Variants in EBF4 observed in about 807,000 individuals in gnomAD.
The protein encoded by EBF4 is EBF transcription factor 4.
EBF4 carries 34 observed loss-of-function variants against 67.1 expected under a neutral mutation model. That is an observed-to-expected ratio of 0.51 (90% CI 0.39 to 0.67). The LOEUF (loss-of-function observed/expected upper bound fraction) is 0.67. Among genes scored for constraint, EBF4 ranks in the 30% least tolerant of loss-of-function variants. EBF4 has a pLI of 0.00. For missense variants in EBF4, 837 were observed against 873.3 expected, an observed-to-expected ratio of 0.96 and a Z score of 0.52; for synonymous variants, 387 against 377.7, an observed-to-expected ratio of 1.02 and a Z score of -0.29.
chr20:2,728,522 G>A (rs6084143), intron 6 of EBF4, among the ~76,000 whole-genome samples: 2 of 152,140 alleles, frequency 1.3e-5, no homozygotes, highest in Non-Finnish European at 2.9e-5. Flanking sequence ...AAAGAGGTTC[G>A]GGGGCGGGGG....
intron 6 of EBF4, among the ~76,000 whole-genome samples, chr20:2,711,234 T>G (rs2087541298): frequency 6.6e-6 from 1 of 152,058 alleles, no homozygotes; most frequent in Non-Finnish European, 1.5e-5. Context: ...GCACCTTTCT[T>G]TTTCCTTGAA....
intron 6 of EBF4, among the ~76,000 whole-genome samples, chr20:2,731,292 A>G (rs2087810216): frequency 6.6e-6 from 1 of 152,164 alleles, no homozygotes; most frequent in South Asian, 2.1e-4. Flanking sequence ...AGTTCTCTCA[A>G]AACAGTCCAG....
At chr20:2,737,130 G>A (rs558850362) in intron 6 of EBF4, among the ~76,000 whole-genome samples, 3 of 151,550 alleles carry the variant, frequency 2.0e-5, no homozygotes, top group African/African-American at 4.9e-5. Flanking sequence ...GGCGCCTGTA[G>A]TCCCAGCTAC....
In EBF4 at chr20:2,707,980, G is replaced by T; in HGVS notation, c.448G>T (p.Glu150Ter). Residue 150 changes from glutamate to a stop codon, truncating the protein, a stop_gained, in exon 5 of 17, where the codon GAA becomes TAA. Coordinates refer to ENST00000609451, the Ensembl canonical transcript of EBF4. LOFTEE classifies it high-confidence loss of function. The surrounding 1 kb of genome is among the most constrained non-coding windows in gnomAD (Gnocchi z 4.6). ...CTATGAGGGGCAGGACAAGAACCCCGAAATGTGCCGAGTGCTGCTCACCCA... is the reference window on the plus strand; with the variant it reads ...CTATGAGGGGCAGGACAAGAACCCCTAAATGTGCCGAGTGCTGCTCACCCA... 1 of 1,608,320 alleles carries T rather than the reference G, an allele frequency of 6.2e-7. No homozygotes were observed. Among genetic ancestry groups the T allele is most frequent in the Non-Finnish European group, 8.5e-7 (1 of 1,177,046 alleles).
Position 2,751,858 on chromosome 20 carries a change from G to A in EBF4, c.1108-64G>A. 6.5e-7 allele frequency: 1 copy of A among 1,548,298 alleles called. No homozygotes were observed. Among genetic ancestry groups the A allele is most frequent in the Non-Finnish European group, 8.7e-7 (1 of 1,146,090 alleles). On this transcript the variant is annotated intron_variant, in intron 11 of 16. Coordinates refer to ENST00000609451, the Ensembl canonical transcript of EBF4. The surrounding 1 kb of genome is among the most constrained non-coding windows in gnomAD (Gnocchi z 5.2). ...GGCAAGGGGGTGAGGAGGGGCTCCC[G>A]AGGGCCCCTTGGTCGCCCCCAGGGG...
At chr20:2,722,317 GA>G (rs925280387) in intron 6 of EBF4, among the ~76,000 whole-genome samples, 8 of 151,658 alleles carry the variant, frequency 5.3e-5, no homozygotes, top group African/African-American at 1.5e-4. Context: ...TATGAATTAC[GA>G]GGTGTTTTTT....
intron 6 of EBF4, among the ~76,000 whole-genome samples, chr20:2,735,710 T>G (rs1029538042): frequency 3.3e-5 from 5 of 152,198 alleles, no homozygotes; most frequent in Non-Finnish European, 7.3e-5. Context: ...AATCAGCACC[T>G]GTTGTGGGGC....
At position 2,747,318 on chromosome 20, in the gene EBF4, A is replaced by C. The variant is rs1285159789; in HGVS notation, c.558-1231A>C. ...TCTCAAAACAAAAAACAAAACAAACAAAAAAAAAAAAACAGGAAAAAAAAG... is the reference window on the plus strand; with the variant it reads ...TCTCAAAACAAAAAACAAAACAAACCAAAAAAAAAAAACAGGAAAAAAAAG... On this transcript the variant is annotated intron_variant, in intron 6 of 16. Transcript: ENST00000609451. This position sits in a 1 kb window ranked among gnomAD's most constrained non-coding sequence, Gnocchi z 4.6. 1.0e-5 allele frequency among the ~76,000 whole-genome samples: 1 copy of C among 99,824 alleles called. No individual in the cohort carries two copies. 65.5% of individuals were successfully genotyped at this position (99,824 alleles called of 152,430 possible). A position where few individuals can be genotyped will look rare whatever the true frequency, so the allele number is the denominator to read the frequency against.
At chr20:2,710,541 C>G (rs1478621110) in intron 6 of EBF4, among the ~76,000 whole-genome samples, 2 of 149,968 alleles carry the variant, frequency 1.3e-5, no homozygotes, top group African/African-American at 2.5e-5. Flanking sequence ...CCCTCCACCC[C>G]TATGTAGAGC....
chr20:2,730,366 C>T (rs534844276), intron 6 of EBF4, among the ~76,000 whole-genome samples: 1 of 152,292 alleles, frequency 6.6e-6, no homozygotes, highest in African/African-American at 2.4e-5. Context: ...GCCTCTTCCT[C>T]TTCTGTCTAA....
exon 13 of EBF4, chr20:2,752,127 G>A (rs1431431752): frequency 1.4e-6 from 2 of 1,454,614 alleles, no homozygotes; most frequent in Non-Finnish European, 1.8e-6. Context: ...CCGAGGCTCT[G>A]TACAGCACCC....
Position 2,747,857 on chromosome 20 carries a change from T to C in EBF4, c.558-692T>C, listed in dbSNP as rs545278685. On this transcript the variant is annotated intron_variant, in intron 6 of 16. Transcript: ENST00000609451. This position sits in a 1 kb window ranked among gnomAD's most constrained non-coding sequence, Gnocchi z 4.6. ...GTACAGGCTCTGTGTCTGCTTAGTA[T>C]GCCATATGTGTGGGATGAGTGCAGG... Among the ~76,000 whole-genome samples the C allele has an allele frequency of 1.3e-5, 2 of 152,326 alleles. No individual in the cohort carries two copies. The highest frequency in any genetic ancestry group is 1.3e-4 in the Admixed American group (2 of 15,304).
At chr20:2,741,392 C>T (rs956648786) in intron 6 of EBF4, among the ~76,000 whole-genome samples, 1 of 152,188 alleles carries the variant, frequency 6.6e-6, no homozygotes, top group Non-Finnish European at 1.5e-5. Context: ...CATCAATTGC[C>T]TTCACACTTG....
intron 6 of EBF4, among the ~76,000 whole-genome samples, chr20:2,713,429 G>C (rs2087568767): frequency 6.6e-6 from 1 of 152,184 alleles, no homozygotes; most frequent in African/African-American, 2.4e-5. Context: ...TAAGGATAGA[G>C]AGGGAGACAC....
At chr20:2,732,598 C>A (rs951729468) in intron 6 of EBF4, among the ~76,000 whole-genome samples, 5 of 152,204 alleles carry the variant, frequency 3.3e-5, no homozygotes, top group Middle Eastern at 3.4e-3. Context: ...TTTTTCCATC[C>A]CTTTATTTTC....
intron 6 of EBF4, among the ~76,000 whole-genome samples, chr20:2,734,626 C>T (rs2087855088): frequency 6.6e-6 from 1 of 152,062 alleles, no homozygotes; most frequent in Admixed American, 6.6e-5. Context: ...ATTGCTATTG[C>T]TGTTTGTTTG....
chr20:2,750,123 T>G, intron 10 of EBF4, 150 bp downstream of exon 10: 1 of 1,185,260 alleles, frequency 8.4e-7, no homozygotes, highest in Non-Finnish European at 1.1e-6. Flanking sequence ...TAACCACCTA[T>G]GCCTGTGATC....
Position 2,693,601 on chromosome 20 carries a change from G to A in EBF4, c.-45G>A, listed in dbSNP as rs1417261927. ...AGCTAGACGCCCGCAGCCTCAGCGG[G>A]ACCGGATCCGGGGCGGCGGGGGCGC... is the stretch of plus-strand genomic sequence containing the variant. On this transcript the variant is annotated 5_prime_UTR_variant, in exon 1 of 17. Transcript: ENST00000609451. This position sits in a 1 kb window ranked among gnomAD's most constrained non-coding sequence, Gnocchi z 4.6. 7.4e-7 allele frequency: 1 copy of A among 1,352,312 alleles called. No homozygotes were observed. The highest frequency in any genetic ancestry group is 1.5e-5 in the African/African-American group (1 of 65,492). 83.8% of individuals were successfully genotyped at this position (1,352,312 alleles called of 1,614,324 possible).
intron 15 of EBF4, among the ~76,000 whole-genome samples, chr20:2,757,672 T>G (rs2088266008): frequency 6.6e-6 from 1 of 152,300 alleles, no homozygotes; most frequent in South Asian, 2.1e-4. Context: ...CATGGCCAGA[T>G]GCAGTGGCTC....
Sources: gnomAD v4.1 joint callset for allele counts (sites outside exome capture counted in the v4.1 genomes callset) on GRCh38, gnomAD v4.1.1 for gene constraint, Gnocchi (gnomAD v3.1) non-coding constraint, MANE v1.5 for transcripts, NCBI Gene and HGNC (gene_info 2026-07-23, HGNC 2026-07-21) for gene names.